The following KATNIP variants were observed in gnomAD, a reference collection of about 807,000 sequenced individuals.
KATNIP encodes the protein katanin-interacting protein.
KATNIP carries 126 observed loss-of-function variants against 174.0 expected under a neutral mutation model. The observed-to-expected ratio is 0.72, with a 90% confidence interval of 0.63 to 0.84. KATNIP has a LOEUF of 0.84. KATNIP is among the 40% of genes least tolerant of loss of function. The pLI, the probability that KATNIP is intolerant of heterozygous loss-of-function variation, is 0.00. For synonymous variants in KATNIP, 810 were observed against 835.7 expected (o/e 0.97, Z 0.53); for missense variants, 1,958 against 2,109.7 (o/e 0.93, Z 1.41).
chr16:27,692,008 T>C (rs2078752287), intron 8 of KATNIP, among the ~76,000 whole-genome samples: 2 of 152,194 alleles, frequency 1.3e-5, no homozygotes, highest in South Asian at 4.1e-4. Context: ...CCCAGACTGA[T>C]GAGGCATAAG....
chr16:27,600,077 G>C (rs1294567546), intron 2 of KATNIP, among the ~76,000 whole-genome samples: 1 of 152,064 alleles, frequency 6.6e-6, no homozygotes, highest in Non-Finnish European at 1.5e-5. Context: ...TCATACATTT[G>C]GTAGGTCATT....
rs117710975 is a variant in KATNIP at position 27,570,102 on chromosome 16, C to T, written c.8-3799C>T. Among the ~76,000 whole-genome samples the T allele has an allele frequency of 7.2e-5, 11 of 152,176 alleles. No homozygotes were observed. The East Asian group carries it at 7.7e-4, about 11-fold the overall frequency. ...TGTTCTTTGCATTAATGTAACTGAA[C>T]GACTGAACGCAGGTCTCATGCTTGC... On this transcript the variant is annotated intron_variant, in intron 1 of 27. Transcript: ENST00000261588.
At chr16:27,643,590 CAAAAAAAAAAAAAAAAAA>C (rs562253355) in intron 5 of KATNIP, among the ~76,000 whole-genome samples, 1 of 40,486 alleles carries the variant, frequency 2.5e-5, no homozygotes, top group Non-Finnish European at 4.0e-5. Flanking sequence ...GACTCTGTCT[CAAAAAAAAAAAAAAAAAA>C]AAAAAAAAAG....
At chr16:27,731,165 A>G (rs2080664933) in intron 14 of KATNIP, among the ~76,000 whole-genome samples, 2 of 151,770 alleles carry the variant, frequency 1.3e-5, no homozygotes, top group Non-Finnish European at 2.9e-5. Flanking sequence ...TATGGGCTGC[A>G]TTGAATAAAG....
intron 1 of KATNIP, among the ~76,000 whole-genome samples, chr16:27,559,684 A>G (rs1044940723): frequency 2.0e-5 from 3 of 151,340 alleles, no homozygotes; most frequent in Non-Finnish European, 4.4e-5. Flanking sequence ...CTGTCTCAAA[A>G]AAAAAAAAAA....
rs2081429866 is a variant in KATNIP at position 27,749,814 on chromosome 16, G to T, written c.2854G>T (p.Gly952Trp). 6.2e-7 allele frequency: 1 copy of T among 1,613,338 alleles called. No individual in the cohort carries two copies. The change falls in exon 16 of 28, where the codon GGG (glycine) becomes TGG (tryptophan). Residue 952 changes from glycine to tryptophan, a missense_variant. Transcript: ENST00000261588. ...GGGGGAGCAGCCAGGGCTGTCGAGAGGGCAGGATGGCTACTCTGGAGAGAC... is the reference window on the plus strand; with the variant it reads ...GGGGGAGCAGCCAGGGCTGTCGAGATGGCAGGATGGCTACTCTGGAGAGAC... The part of the protein sequence containing the change: ...KKGEQPGLSR[G>W]QDGYSGETDA...
At chr16:27,609,601 A>G (rs980637227) in intron 2 of KATNIP, among the ~76,000 whole-genome samples, 3 of 151,072 alleles carry the variant, frequency 2.0e-5, no homozygotes, top group African/African-American at 7.3e-5. Flanking sequence ...TGTGTTAGCC[A>G]GGGTGGTCTC....
intron 13 of KATNIP, among the ~76,000 whole-genome samples, chr16:27,716,013 A>G (rs1426856661): frequency 6.6e-6 from 1 of 152,190 alleles, no homozygotes; most frequent in South Asian, 2.1e-4. Flanking sequence ...TGTTCATAGC[A>G]GCATTATTCA....
intron 8 of KATNIP, among the ~76,000 whole-genome samples, chr16:27,688,790 C>T (rs2078612983): frequency 1.3e-5 from 2 of 152,166 alleles, no homozygotes; most frequent in Admixed American, 6.5e-5. Context: ...CTAGAGATGG[C>T]CCCCAGTGGC....
intron 2 of KATNIP, among the ~76,000 whole-genome samples, chr16:27,617,929 G>A (rs2076088146): frequency 6.6e-6 from 1 of 151,996 alleles, no homozygotes; most frequent in Admixed American, 6.5e-5. Context: ...GTAGAGATAA[G>A]GTCTCCCTAG....
rs1481649342 is a variant in KATNIP at position 27,777,560 on chromosome 16, A to G, written c.4552-50A>G. 5 of 1,543,666 alleles carry G rather than the reference A, an allele frequency of 3.2e-6. No individual in the cohort carries two copies. The highest frequency in any genetic ancestry group is 4.4e-6 in the Non-Finnish European group (5 of 1,140,774). ...CAGTAACGCGTTCTGCCCAAGGTCA[A>G]CGTGGGAGGGACGAGGGGGACCCAT... On this transcript the variant is annotated intron_variant, in intron 25 of 27. Coordinates refer to ENST00000261588, the MANE Select transcript of KATNIP (RefSeq NM_015202.5). This position sits in a 1 kb window ranked among gnomAD's most constrained non-coding sequence, Gnocchi z 4.4.
intron 3 of KATNIP, among the ~76,000 whole-genome samples, chr16:27,620,425 A>AT (rs2076159837): frequency 6.6e-6 from 1 of 152,138 alleles, no homozygotes; most frequent in Non-Finnish European, 1.5e-5. Context: ...AACTGCACCC[A>AT]TTTTACAGGC....
chr16:27,707,788 C>T (rs1166465904), intron 12 of KATNIP, among the ~76,000 whole-genome samples: 1 of 152,226 alleles, frequency 6.6e-6, no homozygotes, highest in Non-Finnish European at 1.5e-5. Flanking sequence ...TGCCTTCTTG[C>T]TTTGCCCTCA....
chr16:27,777,859 T>C lies in KATNIP; in HGVS notation c.4713-22T>C, dbSNP rs765984976. 74 of 1,613,674 alleles carry C rather than the reference T, an allele frequency of 4.6e-5. No homozygotes were observed. The Admixed American group carries it at 1.2e-3, about 27-fold the overall frequency. ...CACGGCCAGGAGCCTGATCGAATCT[T>C]GTGTTTCCTTCCTACCCTCAGTAAT... is the stretch of plus-strand genomic sequence containing the variant. On this transcript the variant is annotated intron_variant, in intron 26 of 27. Coordinates refer to ENST00000261588, the MANE Select transcript of KATNIP (RefSeq NM_015202.5). The surrounding 1 kb of genome is among the most constrained non-coding windows in gnomAD (Gnocchi z 4.4).
chr16:27,740,212 G>A lies in KATNIP; in HGVS notation c.1915G>A (p.Glu639Lys). The change falls in exon 15 of 28, where the codon GAA becomes AAA. Residue 639 changes from glutamate to lysine, a missense_variant. Coordinates refer to ENST00000261588, the MANE Select transcript of KATNIP (RefSeq NM_015202.5). ...GGAGGCCATGAACGCTCACTCGGAA[G>A]AAAGCAAAGGCACCCATGAGATGGC... ...LEEAMNAHSE[E>K]SKGTHEMAGA... The A allele has an allele frequency of 1.2e-6, 2 of 1,614,254 alleles. No individual in the cohort carries two copies. Among genetic ancestry groups the A allele is most frequent in the Non-Finnish European group, 1.7e-6 (2 of 1,180,048 alleles).
intron 2 of KATNIP, among the ~76,000 whole-genome samples, chr16:27,609,390 T>G (rs1459006635): frequency 7.5e-6 from 1 of 133,940 alleles, no homozygotes; most frequent in Non-Finnish European, 1.6e-5. Context: ...TTTTTTTTTT[T>G]TTTTTTTTTT....
At chr16:27,702,292 C>T (rs2079131413) in intron 11 of KATNIP, among the ~76,000 whole-genome samples, 2 of 152,168 alleles carry the variant, frequency 1.3e-5, no homozygotes, top group South Asian at 4.1e-4. Context: ...GTCTAGGGGG[C>T]GAGGTTGGCC....
At chr16:27,721,152 T>G (rs2080220673) in intron 13 of KATNIP, among the ~76,000 whole-genome samples, 1 of 152,034 alleles carries the variant, frequency 6.6e-6, no homozygotes, top group Non-Finnish European at 1.5e-5. Context: ...TTCATCAGGG[T>G]TTTACAAAAG....
intron 14 of KATNIP, among the ~76,000 whole-genome samples, chr16:27,722,744 G>T (rs770067375): frequency 6.6e-6 from 1 of 152,192 alleles, no homozygotes; most frequent in Non-Finnish European, 1.5e-5. Context: ...GAAAAGGAAG[G>T]CCACTTTTCA....
Sources: gnomAD v4.1 joint callset for allele counts (sites outside exome capture counted in the v4.1 genomes callset) on GRCh38, gnomAD v4.1.1 for gene constraint, Gnocchi (gnomAD v3.1) non-coding constraint, MANE v1.5 for transcripts, NCBI Gene and HGNC (gene_info 2026-07-23, HGNC 2026-07-21) for gene names.